The following SV2B variants were observed in gnomAD, a reference collection of about 807,000 sequenced individuals.
SV2B encodes the protein solute carrier family 22 member B2.
SV2B carries 41 observed loss-of-function variants against 73.9 expected under a neutral mutation model. The observed-to-expected ratio is 0.56, with a 90% CI of 0.43 to 0.72. SV2B has a LOEUF of 0.72. Ranked by LOEUF, SV2B falls within the 30% of genes least tolerant of loss-of-function variation. The pLI, the probability that SV2B is intolerant of heterozygous loss-of-function variation, is 0.00. For synonymous variants in SV2B, 314 were observed against 314.2 expected, an observed-to-expected ratio of 1.00 and a Z score of 0.01; for missense variants, 764 against 857.8, an observed-to-expected ratio of 0.89 and a Z score of 1.37.
intron 1 of SV2B, among the ~76,000 whole-genome samples, chr15:91,173,900 C>T (rs141006443): frequency 7.7e-4 from 118 of 152,264 alleles, no homozygotes; most frequent in Non-Finnish European, 1.3e-3. Context: ...TACTTTGATG[C>T]CTTTTTCTTC....
At chr15:91,257,453 G>C (rs2047738416) in intron 4 of SV2B, among the ~76,000 whole-genome samples, 1 of 152,180 alleles carries the variant, frequency 6.6e-6, no homozygotes, top group Non-Finnish European at 1.5e-5. Flanking sequence ...AACAATGCTT[G>C]AATGTAATTT....
rs2042892745 is a variant in SV2B, at chr15:91,137,964, C to T, written c.-392+37601C>T. Reference sequence around the variant, plus strand: ...TTTGCTCTTTATAGAAGTATTCCAGCTGACAAATGAAAAAACAGTGACAGA... The same window carrying T: ...TTTGCTCTTTATAGAAGTATTCCAGTTGACAAATGAAAAAACAGTGACAGA... On this transcript the variant is annotated intron_variant, in intron 1 of 12. Transcript: ENST00000394232. This position sits in a 1 kb window ranked among gnomAD's most constrained non-coding sequence, Gnocchi z 4.9. 1.3e-5 allele frequency among the ~76,000 whole-genome samples: 2 copies of T among 152,092 alleles called. No individual in the cohort carries two copies. Among genetic ancestry groups the T allele is most frequent in the Admixed American group, 6.6e-5 (1 of 15,254 alleles).
chr15:91,301,735 T>G lies in SV2B; in HGVS notation c.*9183T>G, dbSNP rs915930469. ...GACCAGAAGTGTTCTGGATTTCCGGTTTTAAAAGATTTTGGGATATTGGCA... is the reference window on the plus strand; with the variant it reads ...GACCAGAAGTGTTCTGGATTTCCGGGTTTAAAAGATTTTGGGATATTGGCA... On this transcript the variant is annotated 3_prime_UTR_variant, in exon 13 of 13. Transcript: ENST00000394232. The surrounding 1 kb of genome is among the most constrained non-coding windows in gnomAD (Gnocchi z 4.3). Among the ~76,000 whole-genome samples the G allele has an allele frequency of 2.0e-5, 3 of 152,178 alleles. No homozygotes were observed. Among genetic ancestry groups the G allele is most frequent in the African/African-American group, 7.2e-5 (3 of 41,432 alleles).
chr15:91,152,682 T>A (rs1472762568), intron 1 of SV2B, among the ~76,000 whole-genome samples: 1 of 152,054 alleles, frequency 6.6e-6, no homozygotes, highest in Non-Finnish European at 1.5e-5. Context: ...TTGGCTTGTG[T>A]TACCTTTAAA....
In SV2B at chr15:91,256,097, GA is replaced by G. The variant is rs1001703212; in HGVS notation, c.785-2315del. Among the ~76,000 whole-genome samples the G allele has an allele frequency of 1.1e-4, 16 of 150,518 alleles. No individual in the cohort carries two copies. In the South Asian group the frequency reaches 2.1e-3, roughly 20 times the overall value. On this transcript the variant is annotated intron_variant, in intron 4 of 12. Coordinates refer to ENST00000394232, the MANE Select transcript of SV2B (RefSeq NM_001323032.3). ...CCTGTGAACTCACGGGTAAAGCTCAGAAAAAAAAATGGATATATTATGGAAG... is the reference window on the plus strand; with the variant it reads ...CCTGTGAACTCACGGGTAAAGCTCAGAAAAAAAATGGATATATTATGGAAG...
At chr15:91,102,759 T>C (rs924969074) in intron 1 of SV2B, among the ~76,000 whole-genome samples, 1 of 152,238 alleles carries the variant, frequency 6.6e-6, no homozygotes, top group Non-Finnish European at 1.5e-5. Context: ...TTGTTATTTA[T>C]TTTTATACAG....
intron 1 of SV2B, among the ~76,000 whole-genome samples, chr15:91,212,018 T>A: frequency 6.6e-6 from 1 of 152,294 alleles, no homozygotes; most frequent in Middle Eastern, 3.4e-3. Flanking sequence ...AAAAAATGCA[T>A]GTTGAAATGC....
chr15:91,135,547 C>T (rs2042795130), intron 1 of SV2B, among the ~76,000 whole-genome samples: 2 of 152,254 alleles, frequency 1.3e-5, no homozygotes, highest in Non-Finnish European at 2.9e-5. Context: ...GATGAGAAAA[C>T]TCAGGCTTGG....
rs2046967329 is a variant in SV2B at position 91,240,507 on chromosome 15, A to G, written c.452-11312A>G. Among the ~76,000 whole-genome samples the G allele has an allele frequency of 6.6e-6, 1 of 152,190 alleles. No individual in the cohort carries two copies. Among genetic ancestry groups the G allele is most frequent in the South Asian group, 2.1e-4 (1 of 4,830 alleles). On this transcript the variant is annotated intron_variant, in intron 2 of 12. Transcript: ENST00000394232. The surrounding 1 kb of genome is among the most constrained non-coding windows in gnomAD (Gnocchi z 4.6). ...TCCCTCCTGTCCTGTCATGGAGCCA[A>G]CATTTTAATAAAGAAAAAGGCTAAA...
rs925204272 is a variant in SV2B at position 91,265,463 on chromosome 15, CTG to C, written c.1009-1117_1009-1116del. 5.9e-5 allele frequency among the ~76,000 whole-genome samples: 9 copies of C among 152,322 alleles called. No individual in the cohort carries two copies. The highest frequency in any genetic ancestry group is 2.2e-4 in the African/African-American group (9 of 41,570). Reference sequence around the variant, plus strand: ...CTCACTCCCTAATCCCAAAGGAAGACTGTTATTTTCCCCAAGGAGCAAAGAAA... The same window carrying C: ...CTCACTCCCTAATCCCAAAGGAAGACTTATTTTCCCCAAGGAGCAAAGAAA... On this transcript the variant is annotated intron_variant, in intron 6 of 12. Coordinates refer to ENST00000394232, the MANE Select transcript of SV2B (RefSeq NM_001323032.3). The surrounding 1 kb of genome is among the most constrained non-coding windows in gnomAD (Gnocchi z 4.2).
intron 1 of SV2B, among the ~76,000 whole-genome samples, chr15:91,212,641 A>T (rs920014125): frequency 6.6e-6 from 1 of 151,968 alleles, no homozygotes; most frequent in Non-Finnish European, 1.5e-5. Context: ...GGAATTGTAG[A>T]GGGATGTTCT....
chr15:91,159,028 G>C (rs1308235352), intron 1 of SV2B, among the ~76,000 whole-genome samples: 2 of 152,010 alleles, frequency 1.3e-5, no homozygotes, highest in Non-Finnish European at 2.9e-5. Context: ...TGGGAGACAG[G>C]GTGGCCGGGC....
At chr15:91,155,293 A>C (rs1412929156) in intron 1 of SV2B, among the ~76,000 whole-genome samples, 4 of 152,190 alleles carry the variant, frequency 2.6e-5, no homozygotes, top group Non-Finnish European at 1.5e-5. Flanking sequence ...AGAGCAGACC[A>C]CTTGTGTTTC....
At chr15:91,193,973 A>G (rs527657498) in intron 1 of SV2B, among the ~76,000 whole-genome samples, 1 of 151,982 alleles carries the variant, frequency 6.6e-6, no homozygotes, top group African/African-American at 2.4e-5. Context: ...TCTGTTTGCT[A>G]GGTAATCACC....
chr15:91,189,584 GT>G (rs1266090878), intron 1 of SV2B, among the ~76,000 whole-genome samples: 1 of 152,218 alleles, frequency 6.6e-6, no homozygotes, highest in African/African-American at 2.4e-5. Context: ...TCTTTATCAT[GT>G]TACCATCTCA....
chr15:91,289,137 T>G lies in SV2B; in HGVS notation c.1709-384T>G, dbSNP rs1368312718. On this transcript the variant is annotated intron_variant, in intron 11 of 12. Transcript: ENST00000394232. The surrounding 1 kb of genome is among the most constrained non-coding windows in gnomAD (Gnocchi z 4.9). ...TGACATCCTGGTTTCAAATCAAGAC[T>G]GAGGTTTTTGTTTTTGTTTTTTGGC... 6.6e-6 allele frequency among the ~76,000 whole-genome samples: 1 copy of G among 152,196 alleles called. No homozygotes were observed. The highest frequency in any genetic ancestry group is 1.5e-5 in the Non-Finnish European group (1 of 68,034).
chr15:91,161,440 A>G (rs1041000000), intron 1 of SV2B, among the ~76,000 whole-genome samples: 1 of 152,250 alleles, frequency 6.6e-6, no homozygotes, highest in Non-Finnish European at 1.5e-5. Context: ...ATTTGACAAC[A>G]TAAGAATTTT....
rs531952719 is a variant in SV2B, at chr15:91,219,190, C to A, written c.-391-6683C>A. On this transcript the variant is annotated intron_variant, in intron 1 of 12. Transcript: ENST00000394232. ...TCTCAAACTCCTGGTCTCAGGTGAT[C>A]CACCCAACTTGGCCTCCCAAAGTGC... Among the ~76,000 whole-genome samples, 330 of 152,244 alleles carry A rather than the reference C, an allele frequency of 2.2e-3. 1 individual carries two copies. The highest frequency in any genetic ancestry group is 7.7e-3 in the African/African-American group (318 of 41,536).
rs1286132387 is a variant in SV2B at position 91,258,512 on chromosome 15, G to C, written c.876G>C (p.Val292=). Residue 292 remains valine (V), a synonymous_variant, in exon 5 of 13, where the codon GTG becomes GTC. Transcript: ENST00000394232. The surrounding 1 kb of genome is among the most constrained non-coding windows in gnomAD (Gnocchi z 4.7). The stretch of plus-strand genomic sequence containing the variant: ...CTCTGCCCTGCACCGTGTCCATGGT[G>C]GCCCTGAAGTTCATGCCAGAGAGCC... The part of the protein sequence containing the change: ...VCALPCTVSM[V]ALKFMPESPR... The C allele has an allele frequency of 1.9e-6, 3 of 1,614,108 alleles. No individual in the cohort carries two copies. The East Asian group carries it at 6.7e-5, about 36-fold the overall frequency.
Sources: gnomAD v4.1 joint callset for allele counts (sites outside exome capture counted in the v4.1 genomes callset) on GRCh38, gnomAD v4.1.1 for gene constraint, Gnocchi (gnomAD v3.1) non-coding constraint, MANE v1.5 for transcripts, NCBI Gene and HGNC (gene_info 2026-07-23, HGNC 2026-07-21) for gene names.